CCNB3: variants seen among roughly 807,000 people sequenced by gnomAD.
The protein encoded by CCNB3 is cyclin B3, also known as G2/mitotic-specific cyclin-B3.
In CCNB3, 12 loss-of-function variants were observed where a neutral mutation model predicts 68.0. The ratio of observed to expected loss-of-function variants is 0.18; its 90% CI spans 0.11 to 0.29. The LOEUF is 0.29. CCNB3 is among the 10% of genes least tolerant of loss of function. The probability of loss-of-function intolerance (pLI) is 1.00; values close to 1 mark genes in which losing one functional copy is unlikely to be tolerated. For synonymous variants in CCNB3, 354 were observed against 388.9 expected, an observed-to-expected ratio of 0.91 and a Z score of 1.06; for missense variants, 904 against 993.1, an observed-to-expected ratio of 0.91 and a Z score of 1.21.
At chrX:50,279,550 T>C (rs1209144059) in intron 1 of CCNB3, among the ~76,000 whole-genome samples, 37 of 85,228 alleles carry the variant, frequency 4.3e-4, no homozygotes, top group African/African-American at 1.6e-3. Flanking sequence ...TTCATATATA[T>C]AAATATATGA....
chrX:50,325,789 T>TTG (rs1557217223), intron 8 of CCNB3, among the ~76,000 whole-genome samples: 1 of 111,565 alleles, frequency 9.0e-6, no homozygotes, highest in Non-Finnish European at 1.9e-5. Context: ...GTGTGTGTGT[T>TTG]TGTGTGTGTG....
At chrX:50,204,332 T>C (rs782268223), upstream of CCNB3, among the ~76,000 whole-genome samples, 1 of 110,425 alleles carries the variant, frequency 9.1e-6, no homozygotes, top group East Asian at 2.9e-4. Flanking sequence ...GGGTCTGGAG[T>C]GGGGACTGAG....
At chrX:50,218,808 T>G (rs1935623845) in intron 1 of CCNB3, among the ~76,000 whole-genome samples, 1 of 111,972 alleles carries the variant, frequency 8.9e-6, no homozygotes, top group Non-Finnish European at 1.9e-5. Flanking sequence ...GTGATGGGAT[T>G]GCTGAATCAA....
At chrX:50,214,902 T>A (rs1378597371) in intron 1 of CCNB3, among the ~76,000 whole-genome samples, 2 of 106,675 alleles carry the variant, frequency 1.9e-5, no homozygotes. Flanking sequence ...TTCAGTTCAG[T>A]GTTTTTTTTT....
intron 5 of CCNB3, among the ~76,000 whole-genome samples, chrX:50,306,158 G>T (rs1461782002): frequency 1.8e-5 from 2 of 109,857 alleles, no homozygotes; most frequent in Admixed American, 2.0e-4. Context: ...TTAGTTTTTT[G>T]AATGGTTTTT....
chrX:50,297,449 G>T lies in CCNB3; in HGVS notation c.335+2456G>T, dbSNP rs1231633743. Among the ~76,000 whole-genome samples, 3 of 111,325 alleles carry T rather than the reference G, an allele frequency of 2.7e-5. No homozygotes were observed. The Admixed American group carries it at 2.9e-4, about 11-fold the overall frequency. On this transcript the variant is annotated intron_variant, in intron 5 of 12. Coordinates refer to ENST00000376042, the MANE Select transcript of CCNB3 (RefSeq NM_033031.3). ...AAGATCAGATAGTTGTTGATGTGTG[G>T]TATTATTTCTGAGGGCTCTGTTCTG...
intron 4 of CCNB3, among the ~76,000 whole-genome samples, chrX:50,291,082 A>G (rs1226343659): frequency 9.0e-6 from 1 of 111,270 alleles, no homozygotes; most frequent in Non-Finnish European, 1.9e-5. Context: ...AACATTTGCC[A>G]CAGTGAGATC....
Position 50,310,668 on chromosome X carries a change from G to T in CCNB3, c.2499G>T (p.Leu833Phe). The T allele has an allele frequency of 8.3e-7, 1 of 1,211,102 alleles. No homozygotes were observed. Among genetic ancestry groups the T allele is most frequent in the Non-Finnish European group, 1.1e-6 (1 of 895,271 alleles). ...TEAHFKEPLA[L>F]QEEPSTEKEA... ...CTCACTTTAAGGAACCTTTGGCCTT[G>T]CAGGAGGAGCCCAGCACTGAGAAGG... Residue 833 changes from leucine to phenylalanine, a missense_variant, in exon 6 of 13, where the codon TTG becomes TTT. By Grantham distance (22) the Leu-to-Phe change is conservative. Transcript: ENST00000376042.
At chrX:50,210,115 A>C (rs924513819) in intron 1 of CCNB3, among the ~76,000 whole-genome samples, 232 of 112,025 alleles carry the variant, frequency 2.1e-3, no homozygotes, top group African/African-American at 6.4e-3. Context: ...TCTTGGATCC[A>C]TCTGTAATCT....
chrX:50,211,666 T>C (rs1327926510), intron 1 of CCNB3, among the ~76,000 whole-genome samples: 1 of 111,581 alleles, frequency 9.0e-6, no homozygotes, highest in Non-Finnish European at 1.9e-5. Context: ...CCTTTGCGTC[T>C]TGCTCTCAAG....
intron 5 of CCNB3, among the ~76,000 whole-genome samples, chrX:50,301,181 C>T (rs1470928364): frequency 8.9e-6 from 1 of 111,738 alleles, no homozygotes; most frequent in Admixed American, 9.5e-5. Context: ...TGGTGAGGAG[C>T]TGTGTTCCTT....
chrX:50,307,999 C>T (rs1921171140), intron 5 of CCNB3, among the ~76,000 whole-genome samples: 1 of 111,970 alleles, frequency 8.9e-6, no homozygotes. Context: ...CTTTTTATTA[C>T]CTCCATTGGG....
chrX:50,228,248 T>G (rs1425075547), intron 1 of CCNB3, among the ~76,000 whole-genome samples: 1 of 86,157 alleles, frequency 1.2e-5, no homozygotes, highest in East Asian at 3.1e-4. Context: ...AGAATATATA[T>G]AAATACATAG....
At chrX:50,292,320 CT>C (rs1158234595) in intron 4 of CCNB3, among the ~76,000 whole-genome samples, 1 of 108,053 alleles carries the variant, frequency 9.3e-6, no homozygotes, top group Admixed American at 1.0e-4. Context: ...TTTCCATAGC[CT>C]TTTTTTTTAA....
chrX:50,289,383 CTGT>C (rs1395442892), intron 4 of CCNB3, among the ~76,000 whole-genome samples: 1 of 111,348 alleles, frequency 9.0e-6, no homozygotes, highest in African/African-American at 3.3e-5. Context: ...ATACACAGAA[CTGT>C]TGAGAACCAT....
At chrX:50,319,880 T>A (rs782543223) in intron 8 of CCNB3, among the ~76,000 whole-genome samples, 2 of 111,895 alleles carry the variant, frequency 1.8e-5, no homozygotes, top group Non-Finnish European at 3.8e-5. Flanking sequence ...TTTTTTTTTG[T>A]TTTAGCCTAA....
rs1282437875 is a variant in CCNB3 at position 50,228,353 on chromosome X, A to G, written c.-113+23403A>G. On this transcript the variant is annotated intron_variant, in intron 1 of 12. Transcript: ENST00000376042. ...AGAGAATATATATACATACATATAT[A>G]GAAGATATATATACATAATATATAG... is the stretch of plus-strand genomic sequence containing the variant. 5.3e-5 allele frequency among the ~76,000 whole-genome samples: 5 copies of G among 93,820 alleles called. No individual in the cohort carries two copies. The East Asian group carries it at 1.3e-3, about 23-fold the overall frequency. 81.5% of individuals were successfully genotyped at this position (93,820 alleles called of 115,157 possible). A position where few individuals can be genotyped will look rare whatever the true frequency, so the allele number is the denominator to read the frequency against.
chrX:50,288,925 A>G, intron 4 of CCNB3, 38 bp downstream of exon 4: 1 of 955,357 alleles, frequency 1.0e-6, no homozygotes, highest in Non-Finnish European at 1.5e-6. Flanking sequence ...ATGGTTTTGC[A>G]TAAGGCTTAG....
chrX:50,347,860 C>G, intron 11 of CCNB3, 85 bp downstream of exon 11: 1 of 973,238 alleles, frequency 1.0e-6, no homozygotes, highest in East Asian at 3.3e-5. Flanking sequence ...ATTAAGGCCA[C>G]GGGAAACTCT....
Sources: allele counts gnomAD v4.1 joint callset (sites outside exome capture counted in the v4.1 genomes callset), GRCh38; gene constraint gnomAD v4.1.1; transcripts MANE v1.5; gene names NCBI Gene and HGNC (gene_info 2026-07-23, HGNC 2026-07-21).